PITPNC1: variants seen among roughly 807,000 people sequenced by gnomAD.
The protein encoded by PITPNC1 is cytoplasmic phosphatidylinositol transfer protein 1.
Under a neutral mutation model 44.7 loss-of-function variants are expected in PITPNC1, and 18 were observed. The ratio of observed to expected loss-of-function variants is 0.40; its 90% CI spans 0.28 to 0.60. The LOEUF is 0.60. Among genes scored for constraint, PITPNC1 ranks in the 20% least tolerant of loss-of-function variants. The pLI, the probability that PITPNC1 is intolerant of heterozygous loss-of-function variation, is 0.39. For synonymous variants in PITPNC1, 141 were observed against 149.6 expected, an observed-to-expected ratio of 0.94 and a Z score of 0.42; for missense variants, 290 against 418.4, an observed-to-expected ratio of 0.69 and a Z score of 2.68.
At chr17:67,387,963 T>A (rs1350990889) in intron 1 of PITPNC1, among the ~76,000 whole-genome samples, 3 of 152,206 alleles carry the variant, frequency 2.0e-5, no homozygotes, top group African/African-American at 7.2e-5. Context: ...TCAAGGACCA[T>A]GTGTGGCTTG....
chr17:67,428,839 C>CTTTTTTTTTTT lies in PITPNC1; in HGVS notation c.48+50646_48+50656dup, dbSNP rs369624053. On this transcript the variant is annotated intron_variant, in intron 1 of 8. Transcript: ENST00000581322. ...TAACCATTTTTTTCTACTTGTCTTG[C>CTTTTTTTTTTT]TTTTTTTTTTTTTTTTTTTGAGACG... Among the ~76,000 whole-genome samples the CTTTTTTTTTTT allele has an allele frequency of 9.7e-5, 11 of 113,166 alleles. 2 individuals carry two copies. Among genetic ancestry groups the CTTTTTTTTTTT allele is most frequent in the Non-Finnish European group, 1.4e-4 (8 of 57,694 alleles). 74.2% of individuals were successfully genotyped at this position (113,166 alleles called of 152,430 possible). A position where few individuals can be genotyped will look rare whatever the true frequency, so the allele number is the denominator to read the frequency against.
At chr17:67,692,476 G>T (rs2042946516) in intron 8 of PITPNC1, 96 bp from the exon 9 acceptor site, 3 of 841,650 alleles carry the variant, frequency 3.6e-6, no homozygotes, top group African/African-American at 1.7e-5. Context: ...TTATGATAGG[G>T]TTCCCATAGT....
Position 67,379,394 on chromosome 17 carries a change from T to TA in PITPNC1, c.48+1194dup, listed in dbSNP as rs2037923933. ...TTGCCATCTGGACCAAGGGTTAAGGTAAGACCCAAGTACAATCCAAGACAA... is the reference window on the plus strand; with the variant it reads ...TTGCCATCTGGACCAAGGGTTAAGGTAAAGACCCAAGTACAATCCAAGACAA... On this transcript the variant is annotated intron_variant, in intron 1 of 8. Transcript: ENST00000581322. The TA allele has an allele frequency of 3.0e-6, 3 of 984,508 alleles. No individual in the cohort carries two copies. In the South Asian group the frequency reaches 1.4e-4, roughly 46 times the overall value. The allele number at this position is 984,508 out of a possible 1,614,324, so 61.0% of individuals were successfully genotyped here. A position where few individuals can be genotyped will look rare whatever the true frequency, so the allele number is the denominator to read the frequency against.
At chr17:67,384,646 C>T (rs1013015191) in intron 1 of PITPNC1, among the ~76,000 whole-genome samples, 12 of 152,040 alleles carry the variant, frequency 7.9e-5, no homozygotes, top group Non-Finnish European at 1.0e-4. Context: ...AGGATGGTCT[C>T]GATCTCCTGA....
chr17:67,661,025 ATT>A (rs34870441), intron 6 of PITPNC1, among the ~76,000 whole-genome samples: 111 of 128,720 alleles, frequency 8.6e-4, no homozygotes, highest in Middle Eastern at 3.9e-3. Context: ...CGCCCAGCTA[ATT>A]TTTTTTTTTT....
chr17:67,605,714 CG>C (rs2041599358), intron 5 of PITPNC1, among the ~76,000 whole-genome samples: 3 of 152,166 alleles, frequency 2.0e-5, no homozygotes, highest in Non-Finnish European at 2.9e-5. Flanking sequence ...AGAACCAGTT[CG>C]GAAAACTCTT....
At chr17:67,396,436 A>T (rs2038221562) in intron 1 of PITPNC1, among the ~76,000 whole-genome samples, 1 of 151,622 alleles carries the variant, frequency 6.6e-6, no homozygotes, top group African/African-American at 2.4e-5. Context: ...CAGTGGCGTG[A>T]TCTCAGCTCA....
intron 5 of PITPNC1, among the ~76,000 whole-genome samples, chr17:67,616,929 G>A (rs80154976): frequency 0.018 from 2,764 of 152,262 alleles, 89 homozygotes; most frequent in African/African-American, 0.063. Context: ...GTTGTTGACA[G>A]GTTTTTATCT....
intron 6 of PITPNC1, among the ~76,000 whole-genome samples, chr17:67,656,306 G>T (rs1316169790): frequency 6.6e-6 from 1 of 152,038 alleles, no homozygotes. Flanking sequence ...ATCTTCCAGC[G>T]GCTCCAAAAT....
intron 1 of PITPNC1, among the ~76,000 whole-genome samples, chr17:67,493,101 G>A (rs977232069): frequency 6.6e-6 from 1 of 152,282 alleles, no homozygotes; most frequent in Non-Finnish European, 1.5e-5. Flanking sequence ...CACCCCATCC[G>A]ATTTGGAATC....
intron 7 of PITPNC1, among the ~76,000 whole-genome samples, chr17:67,670,694 T>C (rs997937980): frequency 4.5e-5 from 6 of 133,558 alleles, no homozygotes; most frequent in Non-Finnish European, 6.1e-5. Flanking sequence ...GAGGTTGCAG[T>C]GAGCCAAGAT....
chr17:67,587,422 C>A (rs9894749), intron 5 of PITPNC1, among the ~76,000 whole-genome samples: 81,792 of 151,976 alleles, frequency 0.54, 23,085 homozygotes, highest in African/African-American at 0.71. Flanking sequence ...TGAGCCCAGG[C>A]AGTCAAGGCT....
intron 5 of PITPNC1, among the ~76,000 whole-genome samples, chr17:67,596,677 G>A (rs1456341290): frequency 1.3e-5 from 2 of 151,764 alleles, no homozygotes; most frequent in Non-Finnish European, 2.9e-5. Context: ...CGCCTGGCTT[G>A]AGAGATGGAA....
intron 1 of PITPNC1, among the ~76,000 whole-genome samples, chr17:67,481,068 G>T (rs560575247): frequency 4.6e-5 from 7 of 152,176 alleles, no homozygotes; most frequent in Non-Finnish European, 8.8e-5. Context: ...TTAGCTGGGC[G>T]CAGTGGTGCA....
chr17:67,427,259 G>A (rs758658824), intron 1 of PITPNC1, among the ~76,000 whole-genome samples: 2 of 152,066 alleles, frequency 1.3e-5, no homozygotes, highest in Non-Finnish European at 2.9e-5. Context: ...TGCCCAGGCT[G>A]GAGTGCAGTG....
intron 5 of PITPNC1, among the ~76,000 whole-genome samples, chr17:67,607,797 C>CG (rs1455309433): frequency 6.7e-6 from 1 of 150,298 alleles, no homozygotes; most frequent in Non-Finnish European, 1.5e-5. Flanking sequence ...GCTGTGACCT[C>CG]GGCTCACTGC....
chr17:67,493,137 G>A (rs1241999086), intron 1 of PITPNC1, among the ~76,000 whole-genome samples: 1 of 152,178 alleles, frequency 6.6e-6, no homozygotes, highest in Non-Finnish European at 1.5e-5. Context: ...GAATCCAATG[G>A]TAGATTCAGT....
At chr17:67,417,135 A>G (rs2038601020) in intron 1 of PITPNC1, among the ~76,000 whole-genome samples, 5 of 149,662 alleles carry the variant, frequency 3.3e-5, no homozygotes, top group Admixed American at 3.3e-4. Context: ...TTCTCTTAAA[A>G]AAAATTTTTT....
At chr17:67,449,190 T>C (rs766994370) in intron 1 of PITPNC1, among the ~76,000 whole-genome samples, 1 of 152,254 alleles carries the variant, frequency 6.6e-6, no homozygotes, top group Non-Finnish European at 1.5e-5. Flanking sequence ...CATTTGGTTG[T>C]ACTTATTTAA....
Sources: allele counts gnomAD v4.1 joint callset (sites outside exome capture counted in the v4.1 genomes callset), GRCh38; gene constraint gnomAD v4.1.1; transcripts MANE v1.5; gene names NCBI Gene and HGNC (gene_info 2026-07-23, HGNC 2026-07-21).